AGAP1: variants seen among roughly 807,000 people sequenced by gnomAD.
AGAP1 encodes arf-GAP with GTPase, ANK repeat and PH domain-containing protein 1.
In AGAP1, 29 loss-of-function variants were observed where a neutral mutation model predicts 105.3. The ratio of observed to expected loss-of-function variants is 0.28; its 90% CI spans 0.21 to 0.38. The LOEUF is 0.38. Among genes scored for constraint, AGAP1 ranks in the 10% least tolerant of loss-of-function variants. The pLI is 1.00. For synonymous variants in AGAP1, 509 were observed against 485.9 expected (o/e 1.05, Z -0.63); for missense variants, 998 against 1,165.1 (o/e 0.86, Z 2.09).
intron 13 of AGAP1, among the ~76,000 whole-genome samples, chr2:236,004,561 C>A (rs1252896034): frequency 6.6e-6 from 1 of 152,232 alleles, no homozygotes; most frequent in East Asian, 1.9e-4. Flanking sequence ...GGAGGCTATA[C>A]CCTCCTCCCA....
intron 6 of AGAP1, among the ~76,000 whole-genome samples, chr2:235,794,889 C>T (rs545468358): frequency 1.6e-4 from 24 of 152,170 alleles, no homozygotes; most frequent in East Asian, 3.9e-4. Context: ...ATTGAACATA[C>T]GTATTTATAT....
intron 9 of AGAP1, among the ~76,000 whole-genome samples, chr2:235,858,035 A>C (rs2048761129): frequency 6.6e-6 from 1 of 152,194 alleles, no homozygotes; most frequent in South Asian, 2.1e-4. Flanking sequence ...CATTTAATTT[A>C]GTATCACCAC....
chr2:235,568,739 T>C (rs1574864892), intron 1 of AGAP1, among the ~76,000 whole-genome samples: 1 of 152,226 alleles, frequency 6.6e-6, no homozygotes, highest in Non-Finnish European at 1.5e-5. Context: ...CACAAAGCTG[T>C]GTTCTTTCTA....
chr2:235,786,709 T>C (rs975778637), intron 6 of AGAP1, among the ~76,000 whole-genome samples: 6 of 152,238 alleles, frequency 3.9e-5, no homozygotes, highest in South Asian at 2.1e-4. Flanking sequence ...AGAATGTGCC[T>C]GTGACAAGAT....
rs1041466652 is a variant in AGAP1 at position 236,050,104 on chromosome 2, G to A, written c.2114+823G>A. Among the ~76,000 whole-genome samples the A allele has an allele frequency of 1.3e-5, 2 of 152,194 alleles. No individual in the cohort carries two copies. Among genetic ancestry groups the A allele is most frequent in the African/African-American group, 4.8e-5 (2 of 41,440 alleles). On this transcript the variant is annotated intron_variant, in intron 16 of 17. Transcript: ENST00000304032. This position sits in a 1 kb window ranked among gnomAD's most constrained non-coding sequence, Gnocchi z 4.0. ...AGGTGTCTGAAGAGATGAAGGGAGA[G>A]GAGAGGTCTCCCATCACTGGTACTT...
intron 9 of AGAP1, among the ~76,000 whole-genome samples, chr2:235,816,798 T>C (rs914687951): frequency 1.3e-5 from 2 of 149,808 alleles, no homozygotes; most frequent in African/African-American, 4.9e-5. Context: ...AGCCGAGGCA[T>C]GAGAATCGCT....
rs138038350 is a variant in AGAP1 at position 235,883,325 on chromosome 2, T to C, written c.1051-20T>C. The C allele has an allele frequency of 1.5e-3, 2,398 of 1,605,596 alleles. 39 individuals carry two copies. The African/African-American group carries it at 0.028, about 19-fold the overall frequency. Reference sequence around the variant, plus strand: ...TTTTATTTACATTAGAATTTCTATTTGGCTCTTTTTCCCTTGTAGGGCATG... The same window carrying C: ...TTTTATTTACATTAGAATTTCTATTCGGCTCTTTTTCCCTTGTAGGGCATG... On this transcript the variant is annotated intron_variant, in intron 9 of 17. Coordinates refer to ENST00000304032, the MANE Select transcript of AGAP1 (RefSeq NM_001037131.3). This position sits in a 1 kb window ranked among gnomAD's most constrained non-coding sequence, Gnocchi z 4.5.
Position 236,038,956 on chromosome 2 carries a change from T to G in AGAP1, c.1801-1795T>G, listed in dbSNP as rs561179705. Among the ~76,000 whole-genome samples, 2 of 152,272 alleles carry G rather than the reference T, an allele frequency of 1.3e-5. No individual in the cohort carries two copies. Among genetic ancestry groups the G allele is most frequent in the East Asian group, 3.9e-4 (2 of 5,186 alleles). On this transcript the variant is annotated intron_variant, in intron 14 of 17. Coordinates refer to ENST00000304032, the MANE Select transcript of AGAP1 (RefSeq NM_001037131.3). This position sits in a 1 kb window ranked among gnomAD's most constrained non-coding sequence, Gnocchi z 4.5. ...AAATTCAATAACGCATGATGCTAAT[T>G]AGACAGTAGTGATTAATACATTATA... is the stretch of plus-strand genomic sequence containing the variant.
At chr2:235,654,982 A>G (rs545215628) in intron 1 of AGAP1, among the ~76,000 whole-genome samples, 1 of 152,348 alleles carries the variant, frequency 6.6e-6, no homozygotes, top group African/African-American at 2.4e-5. Flanking sequence ...AAACTCGGAA[A>G]GAAAATGACT....
chr2:235,700,795 G>GTC lies in AGAP1; in HGVS notation c.164-8380_164-8379dup, dbSNP rs910824727. Among the ~76,000 whole-genome samples the GTC allele has an allele frequency of 6.6e-5, 10 of 150,600 alleles. No individual in the cohort carries two copies. Among genetic ancestry groups the GTC allele is most frequent in the South Asian group, 2.1e-4 (1 of 4,790 alleles). On this transcript the variant is annotated intron_variant, in intron 1 of 17. Transcript: ENST00000304032. The surrounding 1 kb of genome is among the most constrained non-coding windows in gnomAD (Gnocchi z 6.1). ...AGGCTGGGCGACAAAGCGAGAATCT[G>GTC]TCTCTGTCTCTCTCTCTCTCTCTCT...
At position 235,988,290 on chromosome 2, in the gene AGAP1, G is replaced by T. The variant is rs2055408796; in HGVS notation, c.1645+19667G>T. On this transcript the variant is annotated intron_variant, in intron 13 of 17. Coordinates refer to ENST00000304032, the MANE Select transcript of AGAP1 (RefSeq NM_001037131.3). The surrounding 1 kb of genome is among the most constrained non-coding windows in gnomAD (Gnocchi z 4.7). Reference sequence around the variant, plus strand: ...ACTCCTGACTTCAGGTGATCCACCTGCCTCGGCCTCCCAAAGTGGTAGGAT... The same window carrying T: ...ACTCCTGACTTCAGGTGATCCACCTTCCTCGGCCTCCCAAAGTGGTAGGAT... 6.6e-6 allele frequency among the ~76,000 whole-genome samples: 1 copy of T among 152,136 alleles called. No individual in the cohort carries two copies. Among genetic ancestry groups the T allele is most frequent in the Non-Finnish European group, 1.5e-5 (1 of 68,032 alleles).
In AGAP1 at chr2:236,040,728, T is replaced by C; in HGVS notation, c.1801-23T>C. On this transcript the variant is annotated intron_variant, in intron 14 of 17. Transcript: ENST00000304032. The surrounding 1 kb of genome is among the most constrained non-coding windows in gnomAD (Gnocchi z 5.6). ...TCTCCCGGGGTGCTTACGCCTTGTATTTGTGTCTTCCTCCGTGCCCAGTCC... is the reference window on the plus strand; with the variant it reads ...TCTCCCGGGGTGCTTACGCCTTGTACTTGTGTCTTCCTCCGTGCCCAGTCC... 1 of 1,612,250 alleles carries C rather than the reference T, an allele frequency of 6.2e-7. No individual in the cohort carries two copies. The highest frequency in any genetic ancestry group is 8.5e-7 in the Non-Finnish European group (1 of 1,179,720).
intron 1 of AGAP1, among the ~76,000 whole-genome samples, chr2:235,514,155 C>T (rs935689315): frequency 1.5e-5 from 1 of 65,640 alleles, no homozygotes; most frequent in Non-Finnish European, 3.2e-5. Context: ...CATGCGCGTG[C>T]GCGCGCGCAC....
At chr2:235,507,983 C>T (rs950060251) in intron 1 of AGAP1, among the ~76,000 whole-genome samples, 3 of 152,134 alleles carry the variant, frequency 2.0e-5, no homozygotes, top group South Asian at 2.1e-4. Context: ...CCTTGGTGGC[C>T]GTTGTTCCAT....
chr2:236,043,465 G>A (rs573190275), intron 15 of AGAP1, among the ~76,000 whole-genome samples: 21 of 152,294 alleles, frequency 1.4e-4, no homozygotes, highest in Admixed American at 3.9e-4. Flanking sequence ...GGTGGCTCAC[G>A]CCTGTAATCC....
rs935911058 is a variant in AGAP1 at position 236,006,113 on chromosome 2, A to G, written c.1646-30448A>G. On this transcript the variant is annotated intron_variant, in intron 13 of 17. Transcript: ENST00000304032. ...TATTCATGTGGACTTGTGAATATTT[A>G]TTTTGTATTCTAGGCTGCTATCCAA... Among the ~76,000 whole-genome samples the G allele has an allele frequency of 2.6e-5, 4 of 151,958 alleles. No homozygotes were observed. The East Asian group carries it at 7.8e-4, about 29-fold the overall frequency.
intron 1 of AGAP1, among the ~76,000 whole-genome samples, chr2:235,542,899 G>T (rs548802664): frequency 6.6e-6 from 1 of 152,276 alleles, no homozygotes; most frequent in Non-Finnish European, 1.5e-5. Context: ...TGTGTGAATT[G>T]CACCACCCAA....
chr2:235,889,543 T>A lies in AGAP1; in HGVS notation c.1155+6094T>A, dbSNP rs867592. 0.2 allele frequency among the ~76,000 whole-genome samples: 28,801 copies of A among 143,592 alleles called. 3,723 individuals are homozygous for A. Among genetic ancestry groups the A allele is most frequent in the East Asian group, 0.49 (2,400 of 4,940 alleles). 94.2% of individuals were successfully genotyped at this position (143,592 alleles called of 152,430 possible). A position where few individuals can be genotyped will look rare whatever the true frequency, so the allele number is the denominator to read the frequency against. On this transcript the variant is annotated intron_variant, in intron 10 of 17. Transcript: ENST00000304032. This position sits in a 1 kb window ranked among gnomAD's most constrained non-coding sequence, Gnocchi z 4.6. ...TCTCGTCATCCCCCAAAAGTGTCTTTGCCTTTTTTTTTTTTTTTTAGCCCT... is the reference window on the plus strand; with the variant it reads ...TCTCGTCATCCCCCAAAAGTGTCTTAGCCTTTTTTTTTTTTTTTTAGCCCT...
At chr2:235,638,364 T>C (rs2149301284) in intron 1 of AGAP1, among the ~76,000 whole-genome samples, 1 of 152,274 alleles carries the variant, frequency 6.6e-6, no homozygotes, top group South Asian at 2.1e-4. Flanking sequence ...GGCCTATGTC[T>C]TGGGAGGTGC....
Sources: allele counts gnomAD v4.1 joint callset (sites outside exome capture counted in the v4.1 genomes callset), GRCh38; gene constraint gnomAD v4.1.1; non-coding constraint Gnocchi (gnomAD v3.1); transcripts MANE v1.5; gene names NCBI Gene and HGNC (gene_info 2026-07-23, HGNC 2026-07-21).